The following PEF1 variants were observed in gnomAD, a reference collection of about 807,000 sequenced individuals.
PEF1 encodes penta-EF-hand domain containing 1.
PEF1 carries 17 observed loss-of-function variants against 32.0 expected under a neutral mutation model. The observed-to-expected ratio is 0.53, with a 90% CI of 0.36 to 0.80. PEF1 has a LOEUF of 0.80. PEF1 is among the 30% of genes least tolerant of loss of function. PEF1 has a pLI of 0.00. For missense variants in PEF1, 362 were observed against 369.1 expected (o/e 0.98, Z 0.16); for synonymous variants, 130 against 139.8 (o/e 0.93, Z 0.50).
chr1:31,643,089 A>C (rs1640444735), intron 1 of PEF1, among the ~76,000 whole-genome samples: 1 of 152,234 alleles, frequency 6.6e-6, no homozygotes, highest in African/African-American at 2.4e-5. Flanking sequence ...CTGAGGCAGA[A>C]GACCAGCCAC....
chr1:31,642,681 C>T (rs1640430944), intron 1 of PEF1, among the ~76,000 whole-genome samples: 1 of 152,178 alleles, frequency 6.6e-6, no homozygotes, highest in African/African-American at 2.4e-5. Context: ...TCTCTCTGTG[C>T]TCCTTTTCAG....
chr1:31,641,963 G>A (rs1640400779), intron 1 of PEF1, among the ~76,000 whole-genome samples: 1 of 152,256 alleles, frequency 6.6e-6, no homozygotes, highest in Non-Finnish European at 1.5e-5. Context: ...CAGGCGTGGT[G>A]GCTCACGCCT....
chr1:31,635,361 C>T lies in PEF1; in HGVS notation c.186G>A (p.Gly62=), dbSNP rs975569054. ...TCCCAGGATTGGGGTGTCCATAGGGCCCTCCACCAGCTGGTGGTCCATAAG... is the reference window on the plus strand; with the variant it reads ...TCCCAGGATTGGGGTGTCCATAGGGTCCTCCACCAGCTGGTGGTCCATAAG... ...GGPYGPPAGG[G]PYGHPNPGMF... is the part of the protein sequence containing the mutation. Residue 62 remains glycine, a synonymous_variant, in exon 2 of 5, where the codon GGG becomes GGA. Transcript: ENST00000373703. 3.1e-6 allele frequency: 5 copies of T among 1,613,648 alleles called. No individual in the cohort carries two copies. Among genetic ancestry groups the T allele is most frequent in the Non-Finnish European group, 4.2e-6 (5 of 1,179,888 alleles).
intron 1 of PEF1, chr1:31,644,241 G>A (rs896815445): frequency 1.6e-5 from 5 of 309,482 alleles, no homozygotes; most frequent in African/African-American, 1.1e-4. Flanking sequence ...AGAGGCATCT[G>A]AAGATAGCCC....
In PEF1 at chr1:31,630,786, G is replaced by C. The variant is rs1313849281; in HGVS notation, c.682C>G (p.Arg228Gly). 1 of 1,613,656 alleles carries C rather than the reference G, an allele frequency of 6.2e-7. No individual in the cohort carries two copies. The highest frequency in any genetic ancestry group is 8.5e-7 in the Non-Finnish European group (1 of 1,180,028). The change falls in exon 5 of 5, where the codon CGC (arginine) becomes GGC (glycine). Residue 228 changes from arginine (R) to glycine (G), a missense_variant. Transcript: ENST00000373703. ...SPQFTQLLVS[R>G]YCPRSANPAM... ...GGATTGGCAGAGCGTGGGCAGTAGCGGGAGACCAGAAGCTGGGTGAACTGG... is the reference window on the plus strand; with the variant it reads ...GGATTGGCAGAGCGTGGGCAGTAGCCGGAGACCAGAAGCTGGGTGAACTGG...
In PEF1 at chr1:31,644,827, C is replaced by T. The variant is rs1485763638; in HGVS notation, c.24+14G>A. 7 of 1,613,742 alleles carry T rather than the reference C, an allele frequency of 4.3e-6. No individual in the cohort carries two copies. The African/African-American group carries it at 6.7e-5, about 15-fold the overall frequency. ...CCGCCGCTACCTGGATTCGCGGGCC[C>T]CTCACACACTCACCTGCCGGTAAGG... On this transcript the variant is annotated intron_variant, in intron 1 of 4. Transcript: ENST00000373703.
intron 4 of PEF1, 135 bp downstream of exon 4, chr1:31,632,360 G>T: frequency 1.4e-6 from 2 of 1,436,648 alleles, no homozygotes; most frequent in Non-Finnish European, 2.0e-6. Flanking sequence ...AGGGATGCAG[G>T]CCTGCACTGA....
At chr1:31,631,214 T>C (rs10798879) in intron 4 of PEF1, among the ~76,000 whole-genome samples, 83,119 of 152,110 alleles carry the variant, frequency 0.55, 23,747 homozygotes, top group Non-Finnish European at 0.63. Context: ...TCAGAGGCAG[T>C]ACAGCAGAGG....
intron 1 of PEF1, among the ~76,000 whole-genome samples, chr1:31,638,425 G>C (rs1640313313): frequency 6.6e-6 from 1 of 152,192 alleles, no homozygotes; most frequent in Non-Finnish European, 1.5e-5. Context: ...AGGATGGAAA[G>C]GGAGTGGGAA....
At position 31,642,337 on chromosome 1, in the gene PEF1, A is replaced by G. The variant is rs1640415963; in HGVS notation, c.24+2504T>C. Among the ~76,000 whole-genome samples the G allele has an allele frequency of 2.6e-5, 4 of 152,236 alleles. No homozygotes were observed. The South Asian group carries it at 8.3e-4, about 32-fold the overall frequency. ...GGGAGTGACAAAGCAGGGATTTGAA[A>G]TCAACTCTCTCTGGCCTCAAAAACT... On this transcript the variant is annotated intron_variant, in intron 1 of 4. Transcript: ENST00000373703.
chr1:31,635,266 G>C lies in PEF1; in HGVS notation c.281C>G (p.Pro94Arg). 1 of 1,614,176 alleles carries C rather than the reference G, an allele frequency of 6.2e-7. No individual in the cohort carries two copies. Among genetic ancestry groups the C allele is most frequent in the Non-Finnish European group, 8.5e-7 (1 of 1,180,028 alleles). The change falls in exon 2 of 5, where the codon CCT becomes CGT. Residue 94 changes from proline to arginine, a missense_variant. Pro to Arg is a moderately radical substitution (Grantham distance 103). Coordinates refer to ENST00000373703, the MANE Select transcript of PEF1 (RefSeq NM_012392.4). ...AAPGGPYGQP[P>R]PSSYGAQQPG... ...CTGCTGGGCACCGTAGGAACTTGGA[G>C]GTGGCTGACCATAGGGGCCCCCGGG...
At chr1:31,644,716 A>G in intron 1 of PEF1, 125 bp downstream of exon 1, 2 of 1,561,046 alleles carry the variant, frequency 1.3e-6, no homozygotes, top group Non-Finnish European at 1.7e-6. Flanking sequence ...CTACAGCGCA[A>G]GGCCTCGCTG....
chr1:31,632,012 G>A (rs12048369), intron 4 of PEF1, among the ~76,000 whole-genome samples: 48 of 152,342 alleles, frequency 3.2e-4, no homozygotes, highest in East Asian at 1.9e-3. Context: ...TGGGGCTGTG[G>A]CCTCAGGTCA....
At chr1:31,644,514 A>C in intron 1 of PEF1, 2 of 1,325,856 alleles carry the variant, frequency 1.5e-6, no homozygotes, top group South Asian at 3.7e-5. Flanking sequence ...GTCATGGCTG[A>C]TGCCCCCGCC....
At chr1:31,632,270 G>A (rs1640126367) in intron 4 of PEF1, 2 of 768,590 alleles carry the variant, frequency 2.6e-6, no homozygotes, top group Non-Finnish European at 4.5e-6. Context: ...GCACTCCAGG[G>A]TCCAGCCCTG....
chr1:31,630,176 T>G lies in PEF1; in HGVS notation c.*437A>C, dbSNP rs1640054665. On this transcript the variant is annotated 3_prime_UTR_variant, in exon 5 of 5. Coordinates refer to ENST00000373703, the MANE Select transcript of PEF1 (RefSeq NM_012392.4). Reference sequence around the variant, plus strand: ...TCCCATAGACAGATCTCTCTCATGCTTGGTCAGATTCCACTTTGGAGAAAA... The same window carrying G: ...TCCCATAGACAGATCTCTCTCATGCGTGGTCAGATTCCACTTTGGAGAAAA... 4.1e-6 allele frequency: 1 copy of G among 241,882 alleles called. No homozygotes were observed. The highest frequency in any genetic ancestry group is 4.9e-5 in the Admixed American group (1 of 20,428). 15.0% of individuals were successfully genotyped at this position (241,882 alleles called of 1,614,324 possible).
intron 1 of PEF1, among the ~76,000 whole-genome samples, chr1:31,638,821 G>A (rs1640322014): frequency 6.6e-6 from 1 of 152,228 alleles, no homozygotes; most frequent in South Asian, 2.1e-4. Context: ...CTAAGCCACG[G>A]AGCTGTTAAA....
rs1640161922 is a variant in PEF1, at chr1:31,633,193, A to C, written c.447T>G (p.Ser149=). The C allele has an allele frequency of 3.7e-6, 6 of 1,613,950 alleles. No homozygotes were observed. Among genetic ancestry groups the C allele is most frequent in the Non-Finnish European group, 5.1e-6 (6 of 1,179,980 alleles). ...LKQALVNCNW[S]SFNDETCLMM... ...TGAGGCAGGTCTCATCATTGAATGA[A>C]GACCAATTGCAGTTGACCAGGGCCT... is the stretch of plus-strand genomic sequence containing the variant. Residue 149 remains serine, a synonymous_variant, in exon 3 of 5, where the codon TCT becomes TCG. Coordinates refer to ENST00000373703, the MANE Select transcript of PEF1 (RefSeq NM_012392.4).
chr1:31,639,547 T>C (rs1211611810), intron 1 of PEF1, among the ~76,000 whole-genome samples: 2 of 152,208 alleles, frequency 1.3e-5, no homozygotes, highest in Admixed American at 6.5e-5. Context: ...GGGTTTCCAA[T>C]AGGAGAGGAA....
Sources: gnomAD v4.1 joint callset for allele counts (sites outside exome capture counted in the v4.1 genomes callset) on GRCh38, gnomAD v4.1.1 for gene constraint, MANE v1.5 for transcripts, NCBI Gene and HGNC (gene_info 2026-07-23, HGNC 2026-07-21) for gene names.